The following OTOG variants were observed in gnomAD, a reference collection of about 807,000 sequenced individuals.
The protein encoded by OTOG is otogelin.
A neutral mutation model predicts 313.8 loss-of-function variants in OTOG; 296 were observed. That is an observed-to-expected ratio of 0.94 (90% CI 0.86 to 1.04). The LOEUF (loss-of-function observed/expected upper bound fraction) is 1.04. Among genes scored for constraint, OTOG ranks in the 50% least tolerant of loss-of-function variants. OTOG has a pLI of 0.00. For synonymous variants in OTOG, 1,533 were observed against 1,554.9 expected, an observed-to-expected ratio of 0.99 and a Z score of 0.33; for missense variants, 3,948 against 3,840.1, an observed-to-expected ratio of 1.03 and a Z score of -0.74.
chr11:17,645,454 C>T, intron 54 of OTOG, 110 bp from the exon 55 acceptor site: 2 of 1,011,588 alleles, frequency 2.0e-6, no homozygotes, highest in Non-Finnish European at 2.9e-6. Context: ...GGTGCTAATG[C>T]TGGAAGAGAG....
intron 12 of OTOG, among the ~76,000 whole-genome samples, chr11:17,559,909 G>GAAAGAAGGAAGGGAGGCAGAA (rs371913412): frequency 6.7e-6 from 1 of 148,704 alleles, no homozygotes; most frequent in African/African-American, 2.5e-5. Flanking sequence ...AGGGAGGAAG[G>GAAAGAAGGAAGGGAGGCAGAA]AAGGAAAGAA....
At chr11:17,628,271 T>C (rs182297969) in intron 39 of OTOG, among the ~76,000 whole-genome samples, 2 of 152,212 alleles carry the variant, frequency 1.3e-5, no homozygotes, top group African/African-American at 2.4e-5. Flanking sequence ...TCCATTATCA[T>C]TTGTTTCAAG....
At chr11:17,631,973 G>T (rs936982338) in intron 41 of OTOG, 51 bp downstream of exon 41, 44 of 1,543,592 alleles carry the variant, frequency 2.9e-5, no homozygotes, top group Non-Finnish European at 3.8e-5. Flanking sequence ...GCTGGCTGGG[G>T]ATGGCAGCAC....
At chr11:17,643,695 AG>A (rs1848019239) in intron 54 of OTOG, among the ~76,000 whole-genome samples, 189 bp downstream of exon 54, 1 of 152,212 alleles carries the variant, frequency 6.6e-6, no homozygotes, top group Non-Finnish European at 1.5e-5. Flanking sequence ...AGATGGCTGG[AG>A]GCCATGTTTA....
At chr11:17,557,922 C>T (rs139481134) in intron 8 of OTOG, among the ~76,000 whole-genome samples, 39 of 152,252 alleles carry the variant, frequency 2.6e-4, no homozygotes, top group African/African-American at 7.2e-4. Context: ...GTTCTCTTTC[C>T]GGTGCATGGT....
intron 15 of OTOG, among the ~76,000 whole-genome samples, chr11:17,564,330 T>A (rs1852254943): frequency 6.6e-6 from 1 of 152,014 alleles, no homozygotes; most frequent in Admixed American, 6.5e-5. Flanking sequence ...GAAGAAATAG[T>A]CCTATAGGTC....
intron 3 of OTOG, among the ~76,000 whole-genome samples, chr11:17,550,304 T>C (rs1364099561): frequency 6.6e-6 from 1 of 152,210 alleles, no homozygotes; most frequent in Non-Finnish European, 1.5e-5. Context: ...GAAGCACAAA[T>C]ATTACTAAAT....
chr11:17,558,534 C>T lies in OTOG; in HGVS notation c.997-4C>T, dbSNP rs1042737465. On this transcript the variant is annotated splice_polypyrimidine_tract_variant and splice_region_variant and intron_variant, in intron 9 of 55. Transcript: ENST00000399397. ...TAGCCCTGGCTCCTGGTCCCTTGCT[C>T]TAGGGCGTGTACGAGCAGTGTGAGG... 4 of 1,550,360 alleles carry T rather than the reference C, an allele frequency of 2.6e-6. No individual in the cohort carries two copies. Among genetic ancestry groups the T allele is most frequent in the African/African-American group, 1.4e-5 (1 of 73,066 alleles).
Position 17,627,869 on chromosome 11 carries a change from G to C in OTOG, c.6529-1264G>C, listed in dbSNP as rs367727167. Among the ~76,000 whole-genome samples, 3 of 152,192 alleles carry C rather than the reference G, an allele frequency of 2.0e-5. No homozygotes were observed. The South Asian group carries it at 6.2e-4, about 32-fold the overall frequency. The stretch of plus-strand genomic sequence containing the variant: ...AGATTTTCTCTTCTACTGGCATATA[G>C]CTTCTCATAGTAGCTGCTAATGATC... On this transcript the variant is annotated intron_variant, in intron 39 of 55. Transcript: ENST00000399397.
chr11:17,594,271 C>T (rs1462588732), intron 28 of OTOG, 105 bp downstream of exon 28: 1 of 1,404,866 alleles, frequency 7.1e-7, no homozygotes, highest in Non-Finnish European at 9.7e-7. Flanking sequence ...TGTGAGGTTT[C>T]TCCTGCAATG....
intron 12 of OTOG, among the ~76,000 whole-genome samples, chr11:17,560,385 A>G (rs1355916533): frequency 1.3e-5 from 2 of 152,162 alleles, no homozygotes; most frequent in Non-Finnish European, 2.9e-5. Context: ...CAGGGAAGTC[A>G]TTCCTGGAGG....
chr11:17,641,696 G>A lies in OTOG; in HGVS notation c.8191-151G>A. On this transcript the variant is annotated intron_variant, in intron 51 of 55. Coordinates refer to ENST00000399397, the MANE Select transcript of OTOG (RefSeq NM_001292063.2). Reference sequence around the variant, plus strand: ...AGGGTAGATACAGGGATGATTAGCTGCCTGTGACAGAAGGAGGCTGGGAGC... The same window carrying A: ...AGGGTAGATACAGGGATGATTAGCTACCTGTGACAGAAGGAGGCTGGGAGC... 3 of 600,206 alleles carry A rather than the reference G, an allele frequency of 5.0e-6. No homozygotes were observed. The South Asian group carries it at 6.1e-5, about 12-fold the overall frequency. The allele number at this position is 600,206 out of a possible 1,614,324, so 37.2% of individuals were successfully genotyped here. A position where few individuals can be genotyped will look rare whatever the true frequency, so the allele number is the denominator to read the frequency against.
At position 17,635,635 on chromosome 11, in the gene OTOG, C is replaced by G. The variant is rs560648400; in HGVS notation, c.7719C>G (p.Ile2573Met). The G allele has an allele frequency of 2.6e-6, 4 of 1,550,500 alleles. No individual in the cohort carries two copies. In the African/African-American group the frequency reaches 5.5e-5, roughly 21 times the overall value. The change falls in exon 47 of 56, where the codon ATC becomes ATG. Residue 2573 changes from isoleucine (I) to methionine (M), a missense_variant. By Grantham distance (10) the Ile-to-Met change is conservative (BLOSUM62 1). Coordinates refer to ENST00000399397, the MANE Select transcript of OTOG (RefSeq NM_001292063.2). The stretch of plus-strand genomic sequence containing the variant: ...CCTGTGGTGACTGTCCAGACTCCAT[C>G]CCCGAATGTCAAGAAGGGGAGGCGC... ...FCACGDCPDS[I>M]PECQEGEALT...
intron 48 of OTOG, 100 bp downstream of exon 48, chr11:17,638,649 ATCTGT>A: frequency 6.7e-7 from 1 of 1,484,214 alleles, no homozygotes; most frequent in Non-Finnish European, 9.2e-7. Context: ...CTCCTCTCAG[ATCTGT>A]CCCCTGCAGG....
chr11:17,571,172 A>G (rs1360411401), intron 17 of OTOG, among the ~76,000 whole-genome samples: 1 of 152,218 alleles, frequency 6.6e-6, no homozygotes, highest in Non-Finnish European at 1.5e-5. Context: ...GAGCTTTTCA[A>G]TGCATATATA....
chr11:17,611,128 C>A lies in OTOG; in HGVS notation c.5828C>A (p.Thr1943Lys), dbSNP rs75677194. 1 of 1,550,606 alleles carries A rather than the reference C, an allele frequency of 6.4e-7. No homozygotes were observed. Among genetic ancestry groups the A allele is most frequent in the South Asian group, 1.2e-5 (1 of 84,060 alleles). ...ACGCCTGCTACGAGCCACCCTCTCACGCCCTTGGTGGCTGAGCCCGAGGGA... is the reference window on the plus strand; with the variant it reads ...ACGCCTGCTACGAGCCACCCTCTCAAGCCCTTGGTGGCTGAGCCCGAGGGA... ...ELTPATSHPL[T>K]PLVAEPEGAQ... The change falls in exon 36 of 56, where the codon ACG (threonine) becomes AAG (lysine). Residue 1943 changes from threonine (T) to lysine (K), a missense_variant. Physicochemically the swap from Thr to Lys is moderately conservative, Grantham distance 78. Transcript: ENST00000399397.
chr11:17,634,386 A>C, intron 44 of OTOG, 105 bp downstream of exon 44: 1 of 1,262,076 alleles, frequency 7.9e-7, no homozygotes, highest in Non-Finnish European at 1.1e-6. Flanking sequence ...AGGAAAAGCA[A>C]AGTGTCTTGT....
In OTOG at chr11:17,610,870, C is replaced by A. The variant is rs1335737459; in HGVS notation, c.5570C>A (p.Thr1857Asn). 6 of 1,550,716 alleles carry A rather than the reference C, an allele frequency of 3.9e-6. No homozygotes were observed. Among genetic ancestry groups the A allele is most frequent in the Admixed American group, 2.0e-5 (1 of 50,992 alleles). ...CTGCCTTTCACTCCAGCAGCAATGA[C>A]CCAGGCGCACCCACCCACTCACATA... Reference protein sequence around the residue: ...PVLPFTPAAMTQAHPPTHIAP... With the variant: ...PVLPFTPAAMNQAHPPTHIAP... Residue 1857 changes from threonine to asparagine, a missense_variant, in exon 36 of 56, where the codon ACC becomes AAC. By Grantham distance (65) the Thr-to-Asn change is moderately conservative (BLOSUM62 0). Coordinates refer to ENST00000399397, the MANE Select transcript of OTOG (RefSeq NM_001292063.2).
Position 17,591,388 on chromosome 11 carries a change from C to CATGAGTATTCA in OTOG, c.2868-61_2868-51dup, listed in dbSNP as rs1852928376. On this transcript the variant is annotated intron_variant, in intron 24 of 55. Coordinates refer to ENST00000399397, the MANE Select transcript of OTOG (RefSeq NM_001292063.2). ...TGCATTCGATAAGCCATGGCTCTGT[C>CATGAGTATTCA]ATGAGTATTCAGGTATGGGGTGGGT... 1.3e-5 allele frequency: 20 copies of CATGAGTATTCA among 1,538,704 alleles called. 1 individual carries two copies. The South Asian group carries it at 2.4e-4, about 19-fold the overall frequency.
Sources: gnomAD v4.1 joint callset for allele counts (sites outside exome capture counted in the v4.1 genomes callset) on GRCh38, gnomAD v4.1.1 for gene constraint, MANE v1.5 for transcripts, NCBI Gene and HGNC (gene_info 2026-07-23, HGNC 2026-07-21) for gene names.